IFT140: variants seen among roughly 807,000 people sequenced by gnomAD.
IFT140 encodes the protein intraflagellar transport protein 140 homolog.
A neutral mutation model predicts 164.6 loss-of-function variants in IFT140; 133 were observed. The observed-to-expected ratio is 0.81, with a 90% CI of 0.70 to 0.93. The LOEUF (loss-of-function observed/expected upper bound fraction) is 0.93. IFT140 is among the 40% of genes least tolerant of loss of function. The pLI is 0.00. For missense variants in IFT140, 2,045 were observed against 1,972.3 expected (o/e 1.04, Z -0.70); for synonymous variants, 860 against 817.3 (o/e 1.05, Z -0.89).
At chr16:1,602,880 C>T (rs1406350443) in intron 3 of IFT140, among the ~76,000 whole-genome samples, 25 of 152,172 alleles carry the variant, frequency 1.6e-4, no homozygotes, top group Non-Finnish European at 1.9e-4. Context: ...GCAGAGGTTG[C>T]AGCGAGCCCA....
At position 1,518,307 on chromosome 16, in the gene IFT140, A is replaced by C; in HGVS notation, c.4091T>G (p.Leu1364Arg). Residue 1364 changes from leucine to arginine, a missense_variant, in exon 30 of 31, where the codon CTG becomes CGG. Leu to Arg is a moderately radical substitution (Grantham distance 102, BLOSUM62 -2). Transcript: ENST00000426508. ...GGTGCTGTCCAGGTCTGGTTCCTCCAGGAGCAGCTCACACTGCTTGATGGA... is the reference window on the plus strand; with the variant it reads ...GGTGCTGTCCAGGTCTGGTTCCTCCCGGAGCAGCTCACACTGCTTGATGGA... ...KESIKQCELLLEEPDLDSTIR... is the reference protein window; with the variant it reads ...KESIKQCELLREEPDLDSTIR... 6.2e-7 allele frequency: 1 copy of C among 1,614,076 alleles called. No individual in the cohort carries two copies. Among genetic ancestry groups the C allele is most frequent in the Non-Finnish European group, 8.5e-7 (1 of 1,179,994 alleles).
intron 19 of IFT140, chr16:1,534,136 C>T: frequency 1.8e-6 from 2 of 1,092,196 alleles, no homozygotes; most frequent in Non-Finnish European, 2.6e-6. Context: ...TGGACCATCC[C>T]ATGGGCCTCC....
intron 1 of IFT140, among the ~76,000 whole-genome samples, chr16:1,611,684 C>T (rs1954678231): frequency 6.7e-6 from 1 of 150,218 alleles, no homozygotes; most frequent in Non-Finnish European, 1.5e-5. Flanking sequence ...TATGGTGGCG[C>T]GCGCCTGTAA....
chr16:1,579,879 G>A (rs1312388968), intron 13 of IFT140, among the ~76,000 whole-genome samples: 10 of 151,382 alleles, frequency 6.6e-5, no homozygotes, highest in Non-Finnish European at 1.2e-4. Flanking sequence ...CAGGAGAATC[G>A]CTTGTACCTG....
At chr16:1,604,806 G>A (rs964648139) in intron 3 of IFT140, among the ~76,000 whole-genome samples, 13 of 152,134 alleles carry the variant, frequency 8.5e-5, no homozygotes, top group African/African-American at 2.9e-4. Context: ...TCTAGTGATG[G>A]ATTACAAGGT....
Position 1,566,415 on chromosome 16 carries a change from G to A in IFT140, c.1771-124C>T. ...ACACCCAGTGTCACCAAGTCCACAGGCCACTCATCTTCCAAGGACTAGCAT... is the reference window on the plus strand; with the variant it reads ...ACACCCAGTGTCACCAAGTCCACAGACCACTCATCTTCCAAGGACTAGCAT... On this transcript the variant is annotated intron_variant, in intron 15 of 30. Transcript: ENST00000426508. 3 of 830,968 alleles carry A rather than the reference G, an allele frequency of 3.6e-6. No homozygotes were observed. The South Asian group carries it at 4.8e-5, about 13-fold the overall frequency. 51.5% of individuals were successfully genotyped at this position (830,968 alleles called of 1,614,324 possible). A position where few individuals can be genotyped will look rare whatever the true frequency, so the allele number is the denominator to read the frequency against.
At chr16:1,554,901 C>A in intron 19 of IFT140, 1 of 1,614,248 alleles carries the variant, frequency 6.2e-7, no homozygotes, top group East Asian at 2.2e-5. Flanking sequence ...GGCAGCCATG[C>A]TCATCTGGAA....
At chr16:1,585,057 G>C (rs1230727309) in intron 10 of IFT140, among the ~76,000 whole-genome samples, 1 of 152,158 alleles carries the variant, frequency 6.6e-6, no homozygotes, top group Non-Finnish European at 1.5e-5. Context: ...TGTCTCATCA[G>C]GTAGAGAACA....
At chr16:1,562,139 G>A in intron 17 of IFT140, 23 bp from the exon 18 acceptor site, 1 of 1,546,028 alleles carries the variant, frequency 6.5e-7, no homozygotes, top group Non-Finnish European at 8.7e-7. Flanking sequence ...GAAAAGTACT[G>A]TTCTGTTTTT....
rs10572789 is a variant in IFT140 at position 1,586,627 on chromosome 16, G to GCA, written c.1010-354_1010-353dup. On this transcript the variant is annotated intron_variant, in intron 9 of 30. Coordinates refer to ENST00000426508, the MANE Select transcript of IFT140 (RefSeq NM_014714.4). ...TATGCACACATACACACACATGCAT[G>GCA]CACACACACACACACACACACACTT... 7.8e-3 allele frequency among the ~76,000 whole-genome samples: 1,168 copies of GCA among 149,996 alleles called. 11 individuals are homozygous for GCA. Among genetic ancestry groups the GCA allele is most frequent in the African/African-American group, 0.02 (805 of 40,838 alleles).
intron 8 of IFT140, among the ~76,000 whole-genome samples, chr16:1,587,723 A>C (rs2034962562): frequency 6.6e-6 from 1 of 152,200 alleles, no homozygotes; most frequent in Non-Finnish European, 1.5e-5. Context: ...GGGAGCCCCG[A>C]GGGAGTGCAG....
intron 19 of IFT140, among the ~76,000 whole-genome samples, chr16:1,552,255 C>T (rs1266321571): frequency 6.6e-6 from 1 of 152,160 alleles, no homozygotes; most frequent in Non-Finnish European, 1.5e-5. Context: ...CCTCCTCCCG[C>T]CCTCGAGGGT....
At chr16:1,583,440 T>A in intron 11 of IFT140, 54 bp from the exon 12 acceptor site, 2 of 1,443,732 alleles carry the variant, frequency 1.4e-6, no homozygotes, top group East Asian at 4.5e-5. Flanking sequence ...GAGGTGCAAC[T>A]GTACACCCCA....
In IFT140 at chr16:1,523,705, G is replaced by A. The variant is rs368227090; in HGVS notation, c.3271-5C>T. The A allele has an allele frequency of 1.2e-5, 20 of 1,612,370 alleles. No homozygotes were observed. Among genetic ancestry groups the A allele is most frequent in the Admixed American group, 8.3e-5 (5 of 60,002 alleles). On this transcript the variant is annotated splice_polypyrimidine_tract_variant and splice_region_variant and intron_variant, in intron 25 of 30. Coordinates refer to ENST00000426508, the MANE Select transcript of IFT140 (RefSeq NM_014714.4). The stretch of plus-strand genomic sequence containing the variant: ...GGCCTTGGAGAAGTGGCCAGCCTGC[G>A]GATACGGTGGGCTCTGAGCAGCTGC...
rs1469821458 is a variant in IFT140 at position 1,525,891 on chromosome 16, T to C, written c.2764A>G (p.Ser922Gly). 1.9e-6 allele frequency: 3 copies of C among 1,542,868 alleles called. No individual in the cohort carries two copies. The highest frequency in any genetic ancestry group is 2.7e-5 in the African/African-American group (2 of 73,194). Residue 922 changes from serine (S) to glycine (G), a missense_variant, in exon 21 of 31, where the codon AGT (serine) becomes GGT (glycine). Physicochemically the swap from Ser to Gly is moderately conservative, Grantham distance 56 (BLOSUM62 0). Transcript: ENST00000426508. The part of the protein sequence containing the change: ...EASADCSRAL[S>G]YYEKSDTHRF... ...GGCCGCGAGGGCCGCACTCACTAAC[T>C]GAGGGCCCGGCTGCAGTCGGCGCTG...
chr16:1,555,450 A>G (rs1219877875), intron 19 of IFT140: 2 of 185,224 alleles, frequency 1.1e-5, no homozygotes, highest in Non-Finnish European at 2.3e-5. Flanking sequence ...TAAAATATCC[A>G]CAATATTCCT....
intron 6 of IFT140, 85 bp downstream of exon 6, chr16:1,592,091 A>C: frequency 6.9e-7 from 1 of 1,456,360 alleles, no homozygotes; most frequent in Non-Finnish European, 9.5e-7. Flanking sequence ...TGTTCTATGC[A>C]GAAACGCCAT....
chr16:1,598,878 G>T (rs1428350622), intron 4 of IFT140, among the ~76,000 whole-genome samples: 1 of 148,602 alleles, frequency 6.7e-6, no homozygotes, highest in African/African-American at 2.5e-5. Flanking sequence ...GCCGCCCATC[G>T]TCTGGGATGT....
intron 4 of IFT140, among the ~76,000 whole-genome samples, chr16:1,598,835 C>T (rs1055013312): frequency 6.6e-6 from 1 of 151,476 alleles, no homozygotes; most frequent in Non-Finnish European, 1.5e-5. Context: ...CCGGCCGCCA[C>T]CCCGTCTGGG....
Sources: gnomAD v4.1 joint callset for allele counts (sites outside exome capture counted in the v4.1 genomes callset) on GRCh38, gnomAD v4.1.1 for gene constraint, MANE v1.5 for transcripts, NCBI Gene and HGNC (gene_info 2026-07-23, HGNC 2026-07-21) for gene names.